DNAH9: variants seen among roughly 807,000 people sequenced by gnomAD.
The protein encoded by DNAH9 is dynein axonemal heavy chain 9.
DNAH9 carries 345 observed loss-of-function variants against 471.6 expected under a neutral mutation model. That is an observed-to-expected ratio of 0.73 (90% CI 0.67 to 0.80). The LOEUF is 0.80. DNAH9 is among the 30% of genes least tolerant of loss of function. The pLI, the probability that DNAH9 is intolerant of heterozygous loss-of-function variation, is 0.00. For synonymous variants in DNAH9, 2,093 were observed against 2,123.6 expected (o/e 0.99, Z 0.40); for missense variants, 5,407 against 5,609.2 (o/e 0.96, Z 1.15).
intron 63 of DNAH9, among the ~76,000 whole-genome samples, chr17:11,930,405 G>A (rs1427134629): frequency 6.6e-6 from 1 of 152,122 alleles, no homozygotes; most frequent in East Asian, 1.9e-4. Context: ...TCATTGATAA[G>A]ATACACTGGG....
At chr17:11,728,526 T>TA (rs1295865097) in intron 28 of DNAH9, among the ~76,000 whole-genome samples, 1,217 of 20,850 alleles carry the variant, frequency 0.058, 26 homozygotes, top group African/African-American at 0.075. Context: ...ATCTCTGACC[T>TA]AAAAAAAAAA....
At chr17:11,921,240 G>A (rs1974127649) in intron 61 of DNAH9, among the ~76,000 whole-genome samples, 1 of 141,222 alleles carries the variant, frequency 7.1e-6, no homozygotes, top group African/African-American at 2.7e-5. Context: ...AGAAAAAAAG[G>A]TGATTTTTTT....
At chr17:11,768,705 T>C (rs2150877045) in intron 37 of DNAH9, 79 bp downstream of exon 37, 1 of 1,519,380 alleles carries the variant, frequency 6.6e-7, no homozygotes. Flanking sequence ...CAGCCCCGCA[T>C]GGCTATCTGA....
In DNAH9 at chr17:11,669,534, C is replaced by T. The variant is rs202073066; in HGVS notation, c.3093C>T (p.Tyr1031=). ...AGGTTCTGGGTCAGTTTCTGCTGTA[C>T]GGGCACATCCTCACTCCGGAAGAAA... ...RKEVLGQFLL[Y]GHILTPEEIE... Residue 1031 remains tyrosine (Y), a synonymous_variant, in exon 17 of 69, where the codon TAC becomes TAT. Transcript: ENST00000262442. 43 of 1,614,092 alleles carry T rather than the reference C, an allele frequency of 2.7e-5. 1 individual carries two copies. Among genetic ancestry groups the T allele is most frequent in the South Asian group, 2.2e-4 (20 of 91,084 alleles).
intron 22 of DNAH9, among the ~76,000 whole-genome samples, chr17:11,695,871 C>T (rs528905660): frequency 3.2e-4 from 49 of 152,256 alleles, no homozygotes; most frequent in Admixed American, 2.4e-3. Flanking sequence ...AGTTCTTTTT[C>T]CTCATGTGAT....
chr17:11,777,486 T>C (rs1298395537), intron 38 of DNAH9, among the ~76,000 whole-genome samples: 1 of 152,206 alleles, frequency 6.6e-6, no homozygotes, highest in African/African-American at 2.4e-5. Context: ...AGAAGCAGGA[T>C]AGTTTAGAAA....
chr17:11,786,204 C>T (rs1241492298), intron 41 of DNAH9, among the ~76,000 whole-genome samples: 1 of 152,190 alleles, frequency 6.6e-6, no homozygotes, highest in African/African-American at 2.4e-5. Flanking sequence ...TTAGCTTCTG[C>T]CTGGAACAGT....
At chr17:11,750,913 A>G (rs1967117633) in intron 32 of DNAH9, among the ~76,000 whole-genome samples, 1 of 152,126 alleles carries the variant, frequency 6.6e-6, no homozygotes, top group Non-Finnish European at 1.5e-5. Flanking sequence ...AGCTGAAATT[A>G]GTCACTAGGA....
At chr17:11,787,325 T>A (rs1280977122) in intron 41 of DNAH9, among the ~76,000 whole-genome samples, 1 of 152,218 alleles carries the variant, frequency 6.6e-6, no homozygotes, top group Non-Finnish European at 1.5e-5. Context: ...AACTCAGTGA[T>A]TGGCACAAGA....
chr17:11,629,104 T>C (rs2073020657), intron 6 of DNAH9, among the ~76,000 whole-genome samples: 2 of 148,932 alleles, frequency 1.3e-5, no homozygotes, highest in Admixed American at 6.7e-5. Context: ...TTTTTACTTC[T>C]TTTTTTTTTA....
chr17:11,915,150 T>C (rs1250952786), intron 61 of DNAH9, among the ~76,000 whole-genome samples: 1 of 152,218 alleles, frequency 6.6e-6, no homozygotes, highest in East Asian at 1.9e-4. Flanking sequence ...CTTCTTCCTC[T>C]GCAAACCCTT....
Position 11,822,462 on chromosome 17 carries a change from G to A in DNAH9, c.8875G>A (p.Gly2959Arg). The A allele has an allele frequency of 1.2e-6, 2 of 1,614,120 alleles. No homozygotes were observed. The highest frequency in any genetic ancestry group is 1.3e-5 in the African/African-American group (1 of 75,034). ...GGTGACTCTCTGTTTCTCCCCTGTG[G>A]GAAACAAGCTAAGAGTCCGCAGCAG... ...LKVTLCFSPV[G>R]NKLRVRSRKF... The change falls in exon 47 of 69, where the codon GGA (glycine) becomes AGA (arginine). Residue 2959 changes from glycine (G) to arginine (R), a missense_variant. Physicochemically the swap from Gly to Arg is moderately radical, Grantham distance 125. Coordinates refer to ENST00000262442, the MANE Select transcript of DNAH9 (RefSeq NM_001372.4).
chr17:11,633,599 T>C (rs2073108007), intron 8 of DNAH9, among the ~76,000 whole-genome samples: 2 of 152,250 alleles, frequency 1.3e-5, no homozygotes, highest in Admixed American at 1.3e-4. Flanking sequence ...AATACCGTAA[T>C]TCACATTGGA....
chr17:11,905,093 G>T (rs1398591423), intron 60 of DNAH9, among the ~76,000 whole-genome samples: 1 of 151,936 alleles, frequency 6.6e-6, no homozygotes, highest in African/African-American at 2.4e-5. Flanking sequence ...AATTAGCTGG[G>T]CGTGGTGGCA....
At chr17:11,924,669 G>A (rs1974258573) in intron 62 of DNAH9, among the ~76,000 whole-genome samples, 1 of 137,110 alleles carries the variant, frequency 7.3e-6, no homozygotes, top group Non-Finnish European at 1.5e-5. Flanking sequence ...TGTCGCCTAG[G>A]CTGGAGTGCA....
At position 11,858,967 on chromosome 17, in the gene DNAH9, T is replaced by TGGTA. The variant is rs1971724261; in HGVS notation, c.9933+4539_9933+4540insGGTA. ...GGCGTGGTGGTACATGCCTGTAATC[T>TGGTA]CAGCTACTTGGGAGGCTGAGGCAAG... On this transcript the variant is annotated intron_variant, in intron 50 of 68. Coordinates refer to ENST00000262442, the MANE Select transcript of DNAH9 (RefSeq NM_001372.4). 2.0e-5 allele frequency among the ~76,000 whole-genome samples: 3 copies of TGGTA among 150,606 alleles called. No individual in the cohort carries two copies. The Admixed American group carries it at 2.0e-4, about 10-fold the overall frequency.
chr17:11,688,317 C>CG (rs1378088567), intron 19 of DNAH9, among the ~76,000 whole-genome samples: 4 of 152,032 alleles, frequency 2.6e-5, no homozygotes, highest in African/African-American at 9.7e-5. Context: ...TCATAGGTGT[C>CG]GAGTGCAAGC....
Position 11,834,592 on chromosome 17 carries a change from C to T in DNAH9, c.9247-46C>T, listed in dbSNP as rs1970783548. ...CAGTGACTAGTCCAGTGCCCACAGT[C>T]CCTCCAGTCACAACTCCTGATAAGT... is the stretch of plus-strand genomic sequence containing the variant. On this transcript the variant is annotated intron_variant, in intron 48 of 68. Coordinates refer to ENST00000262442, the MANE Select transcript of DNAH9 (RefSeq NM_001372.4). 9 of 1,607,182 alleles carry T rather than the reference C, an allele frequency of 5.6e-6. No homozygotes were observed. The African/African-American group carries it at 8.0e-5, about 14-fold the overall frequency.
At chr17:11,911,650 C>G (rs1468107661) in intron 61 of DNAH9, among the ~76,000 whole-genome samples, 1 of 152,130 alleles carries the variant, frequency 6.6e-6, no homozygotes, top group African/African-American at 2.4e-5. Flanking sequence ...GTAAGGACTG[C>G]ACTGAATATG....
Sources: gnomAD v4.1 joint callset for allele counts (sites outside exome capture counted in the v4.1 genomes callset) on GRCh38, gnomAD v4.1.1 for gene constraint, MANE v1.5 for transcripts, NCBI Gene and HGNC (gene_info 2026-07-23, HGNC 2026-07-21) for gene names.